The following GATM variants were observed in gnomAD, a reference collection of about 807,000 sequenced individuals.
The protein encoded by GATM is glycine amidinotransferase, also known as glycine amidinotransferase, mitochondrial.
GATM carries 23 observed loss-of-function variants against 54.2 expected under a neutral mutation model. The ratio of observed to expected loss-of-function variants is 0.42; its 90% confidence interval spans 0.31 to 0.60. The LOEUF (loss-of-function observed/expected upper bound fraction) is 0.60. Among genes scored for constraint, GATM ranks in the 20% least tolerant of loss-of-function variants. The pLI, the probability that GATM is intolerant of heterozygous loss-of-function variation, is 0.14. For synonymous variants in GATM, 168 were observed against 183.1 expected, an observed-to-expected ratio of 0.92 and a Z score of 0.67; for missense variants, 401 against 544.9, an observed-to-expected ratio of 0.74 and a Z score of 2.63.
chr15:45,388,268 G>A (rs1384458992), intron 3 of GATM, among the ~76,000 whole-genome samples: 1 of 152,212 alleles, frequency 6.6e-6, no homozygotes, highest in African/African-American at 2.4e-5. Context: ...GGGAAATTTT[G>A]TTTTCTATCT....
At chr15:45,399,277 A>G (rs1416303476) in intron 2 of GATM, among the ~76,000 whole-genome samples, 1 of 152,226 alleles carries the variant, frequency 6.6e-6, no homozygotes, top group Admixed American at 6.5e-5. Context: ...AGTTTTACAC[A>G]GCTTGAGGCT....
chr15:45,389,125 A>G (rs1201686993), intron 3 of GATM, among the ~76,000 whole-genome samples: 1 of 152,264 alleles, frequency 6.6e-6, no homozygotes, highest in Non-Finnish European at 1.5e-5. Context: ...ATTTCATATC[A>G]ATAAACTTTC....
intron 2 of GATM, among the ~76,000 whole-genome samples, chr15:45,375,987 G>C (rs972616324): frequency 1.3e-5 from 2 of 152,196 alleles, no homozygotes; most frequent in Non-Finnish European, 2.9e-5. Context: ...CAAAGCAGAG[G>C]AATGAGGCAA....
intron 1 of GATM, among the ~76,000 whole-genome samples, chr15:45,401,748 G>C (rs1340466635): frequency 6.6e-6 from 1 of 152,148 alleles, no homozygotes; most frequent in Non-Finnish European, 1.5e-5. Flanking sequence ...ATGTACTGTT[G>C]GTGTGCTACA....
intron 3 of GATM, among the ~76,000 whole-genome samples, chr15:45,392,555 G>A (rs968166956): frequency 6.6e-6 from 1 of 152,220 alleles, no homozygotes; most frequent in Non-Finnish European, 1.5e-5. Context: ...CAGCATAGAA[G>A]AGCACCCACA....
chr15:45,373,353 A>C (rs1331192225), intron 2 of GATM: 1 of 152,084 alleles, frequency 6.6e-6, no homozygotes, highest in Non-Finnish European at 1.5e-5. Flanking sequence ...AAAAAAACAA[A>C]TTAGCCAGGC....
chr15:45,386,967 A>G (rs1317378753), intron 3 of GATM, among the ~76,000 whole-genome samples: 1 of 152,150 alleles, frequency 6.6e-6, no homozygotes, highest in Non-Finnish European at 1.5e-5. Flanking sequence ...TTGCTTAGGA[A>G]CTCTAAATTA....
intron 2 of GATM, 96 bp from the exon 3 acceptor site, chr15:45,369,617 G>A (rs1402933747): frequency 9.0e-7 from 1 of 1,108,304 alleles, no homozygotes; most frequent in Non-Finnish European, 1.3e-6. Flanking sequence ...ATAAGGTATT[G>A]GAATTGAGAC....
chr15:45,374,471 A>G (rs1889594602), intron 2 of GATM, among the ~76,000 whole-genome samples: 1 of 152,260 alleles, frequency 6.6e-6, no homozygotes, highest in African/African-American at 2.4e-5. Context: ...AAAGACTTAA[A>G]AAGACTACTA....
upstream of GATM, among the ~76,000 whole-genome samples, chr15:45,381,224 ATC>A (rs1383760824): frequency 3.9e-5 from 6 of 152,116 alleles, no homozygotes; most frequent in Non-Finnish European, 8.8e-5. Context: ...TAATTTTAGG[ATC>A]TTGGTGGTCT....
At chr15:45,381,520 C>G (rs948358353), upstream of GATM, among the ~76,000 whole-genome samples, 2 of 152,060 alleles carry the variant, frequency 1.3e-5, no homozygotes, top group Non-Finnish European at 2.9e-5. Flanking sequence ...ACAAAATAAA[C>G]AACAAAAGAG....
rs995108559 is a variant in GATM at position 45,361,883 on chromosome 15, G to A, written c.*226C>T. On this transcript the variant is annotated 3_prime_UTR_variant, in exon 9 of 9. Transcript: ENST00000396659. Reference sequence around the variant, plus strand: ...ACACATTCACCAAAATTTTATACTTGAAGCCAAATAGTAAATAACTTTAGG... The same window carrying A: ...ACACATTCACCAAAATTTTATACTTAAAGCCAAATAGTAAATAACTTTAGG... The A allele has an allele frequency of 1.8e-6, 1 of 550,892 alleles. No individual in the cohort carries two copies. The highest frequency in any genetic ancestry group is 3.2e-5 in the Admixed American group (1 of 30,778). 34.1% of individuals were successfully genotyped at this position (550,892 alleles called of 1,614,324 possible). A position where few individuals can be genotyped will look rare whatever the true frequency, so the allele number is the denominator to read the frequency against.
chr15:45,367,748 G>T (rs1288841625), intron 4 of GATM, among the ~76,000 whole-genome samples: 1 of 152,116 alleles, frequency 6.6e-6, no homozygotes, highest in Non-Finnish European at 1.5e-5. Context: ...CTGTAGGCAA[G>T]TTTTTCCCCA....
At chr15:45,382,621 C>T (rs564891541), upstream of GATM, among the ~76,000 whole-genome samples, 33 of 151,864 alleles carry the variant, frequency 2.2e-4, no homozygotes, top group African/African-American at 5.3e-4. Flanking sequence ...GGCAAAACCC[C>T]GTCTCTACTA....
At chr15:45,365,526 T>C (rs1284373001) in intron 6 of GATM, among the ~76,000 whole-genome samples, 1 of 152,220 alleles carries the variant, frequency 6.6e-6, no homozygotes, top group Admixed American at 6.5e-5. Flanking sequence ...ACTCATCACC[T>C]AACTGGAAGT....
Position 45,368,218 on chromosome 15 carries a change from C to A in GATM, c.527G>T (p.Gly176Val). ...CATGGGAGCCTCGATAATCTCATTG[C>A]CCACAACTATCAGGATGTCTCGAGG... ...AMPRDILIVV[G>V]NEIIEAPMAW... is the part of the protein sequence containing the mutation. Residue 176 changes from glycine to valine, a missense_variant, in exon 4 of 9, where the codon GGC becomes GTC. Physicochemically the swap from Gly to Val is moderately radical, Grantham distance 109. Around this residue, in one of 3 missense-constraint regions of GATM, gnomAD observed 321 missense variants for 457.5 expected, o/e 0.70. Coordinates refer to ENST00000396659, the MANE Select transcript of GATM (RefSeq NM_001482.3). The surrounding 1 kb of genome is among the most constrained non-coding windows in gnomAD (Gnocchi z 5.1). 1.9e-6 allele frequency: 3 copies of A among 1,614,044 alleles called. No homozygotes were observed. The highest frequency in any genetic ancestry group is 2.5e-6 in the Non-Finnish European group (3 of 1,180,026).
intron 1 of GATM, 137 bp downstream of exon 1, chr15:45,378,248 G>T: frequency 1.6e-6 from 1 of 627,128 alleles, no homozygotes; most frequent in South Asian, 2.0e-5. Context: ...ATACCAGAAG[G>T]GACACTCTCG....
rs929081865 is a variant in GATM, at chr15:45,376,929, C to T, written c.70-110G>A. On this transcript the variant is annotated intron_variant, in intron 1 of 8. Coordinates refer to ENST00000396659, the MANE Select transcript of GATM (RefSeq NM_001482.3). ...CCAGCATAACATTGCCACTTAAACC[C>T]CTTTAGAACAGCATAAACCAAGACG... 3.0e-5 allele frequency: 29 copies of T among 969,492 alleles called. No individual in the cohort carries two copies. In the Middle Eastern group the frequency reaches 7.4e-4, roughly 25 times the overall value. The allele number at this position is 969,492 out of a possible 1,614,324, so 60.1% of individuals were successfully genotyped here. A position where few individuals can be genotyped will look rare whatever the true frequency, so the allele number is the denominator to read the frequency against.
At chr15:45,394,981 TG>T (rs1889911872) in intron 3 of GATM, among the ~76,000 whole-genome samples, 1 of 152,186 alleles carries the variant, frequency 6.6e-6, no homozygotes, top group Admixed American at 6.5e-5. Context: ...TGCATTGTTT[TG>T]GCAAGATCTT....
Sources: allele counts gnomAD v4.1 joint callset (sites outside exome capture counted in the v4.1 genomes callset), GRCh38; gene constraint gnomAD v4.1.1; regional missense constraint gnomAD v4.1.1; non-coding constraint Gnocchi (gnomAD v3.1); transcripts MANE v1.5; gene names NCBI Gene and HGNC (gene_info 2026-07-23, HGNC 2026-07-21).